Variants in CRTC3 observed in about 807,000 individuals in gnomAD.
The protein encoded by CRTC3 is CREB regulated transcription coactivator 3.
A neutral mutation model predicts 74.5 loss-of-function variants in CRTC3; 26 were observed. The observed-to-expected ratio is 0.35, with a 90% CI of 0.26 to 0.48. CRTC3 has a LOEUF of 0.48. Among genes scored for constraint, CRTC3 ranks in the 20% least tolerant of loss-of-function variants. CRTC3 has a pLI of 0.99. For synonymous variants in CRTC3, 377 were observed against 325.8 expected (o/e 1.16, Z -1.69); for missense variants, 760 against 787.3 (o/e 0.97, Z 0.41).
rs551266182 is a variant in CRTC3 at position 90,557,793 on chromosome 15, C to T, written c.231+17656C>T. Among the ~76,000 whole-genome samples, 85 of 152,258 alleles carry T rather than the reference C, an allele frequency of 5.6e-4. 1 individual carries two copies. The South Asian group carries it at 0.017, about 31-fold the overall frequency. Reference sequence around the variant, plus strand: ...TGCCTCACACTCTGTAATTTGGCCTCAAGTCACCATTGCTGGCCTTGTGCC... The same window carrying T: ...TGCCTCACACTCTGTAATTTGGCCTTAAGTCACCATTGCTGGCCTTGTGCC... On this transcript the variant is annotated intron_variant, in intron 2 of 14. Transcript: ENST00000268184.
At position 90,625,977 on chromosome 15, in the gene CRTC3, T is replaced by C. The variant is rs1381477625; in HGVS notation, c.951T>C (p.Gly317=). 6.2e-7 allele frequency: 1 copy of C among 1,613,916 alleles called. No individual in the cohort carries two copies. Among genetic ancestry groups the C allele is most frequent in the Non-Finnish European group, 8.5e-7 (1 of 1,179,868 alleles). ...NNIPAAMTHL[G]IRSSSGLQSS... is the part of the protein sequence containing the mutation. The stretch of plus-strand genomic sequence containing the variant: ...TCCCAGCTGCTATGACCCACCTGGG[T>C]ATAAGAAGCTCCTCTGGTGAGTATC... The change falls in exon 10 of 15, where the codon GGT becomes GGC. Residue 317 remains glycine (G), a synonymous_variant. Transcript: ENST00000268184.
intron 2 of CRTC3, among the ~76,000 whole-genome samples, chr15:90,561,043 C>T (rs560891370): frequency 1.3e-4 from 20 of 152,298 alleles, no homozygotes; most frequent in East Asian, 7.7e-4. Context: ...ACCACTTCCA[C>T]CACTAACTAG....
Position 90,530,027 on chromosome 15 carries a change from C to T in CRTC3, c.-45C>T, listed in dbSNP as rs943562354. 14 of 1,359,206 alleles carry T rather than the reference C, an allele frequency of 1.0e-5. No homozygotes were observed. The highest frequency in any genetic ancestry group is 1.3e-5 in the Non-Finnish European group (14 of 1,038,584). 84.2% of individuals were successfully genotyped at this position (1,359,206 alleles called of 1,614,324 possible). On this transcript the variant is annotated 5_prime_UTR_variant, in exon 1 of 15. Coordinates refer to ENST00000268184, the MANE Select transcript of CRTC3 (RefSeq NM_022769.5). This position sits in a 1 kb window ranked among gnomAD's most constrained non-coding sequence, Gnocchi z 6.2. ...CGGACGGGTGGGCCGAGGTACAGGC[C>T]CCACGGCCGCCGTCTCCCGCTTCTG...
Position 90,644,687 on chromosome 15 carries a change from C to T in CRTC3, c.*2547C>T. The T allele has an allele frequency of 4.3e-6, 1 of 232,670 alleles. No homozygotes were observed. The highest frequency in any genetic ancestry group is 6.1e-5 in the East Asian group (1 of 16,512). The allele number at this position is 232,670 out of a possible 1,614,324, so 14.4% of individuals were successfully genotyped here. On this transcript the variant is annotated 3_prime_UTR_variant, in exon 15 of 15. Transcript: ENST00000268184. ...TTGGGCATCGTACAACCCACTCTGC[C>T]TAGAAGGTGTGGAGGACTCACCACG...
intron 2 of CRTC3, among the ~76,000 whole-genome samples, chr15:90,561,647 C>T (rs998212): frequency 0.012 from 1,889 of 152,270 alleles, 32 homozygotes; most frequent in African/African-American, 0.042. Flanking sequence ...TACCTATCTC[C>T]TTAATCCAGC....
intron 5 of CRTC3, among the ~76,000 whole-genome samples, chr15:90,606,579 T>C (rs1049700450): frequency 3.3e-5 from 5 of 151,590 alleles, no homozygotes; most frequent in Non-Finnish European, 7.4e-5. Context: ...AATAATAAAA[T>C]AAAATAAAAA....
intron 2 of CRTC3, among the ~76,000 whole-genome samples, chr15:90,543,134 G>A (rs865816256): frequency 3.1e-4 from 38 of 124,240 alleles, no homozygotes; most frequent in South Asian, 5.5e-4. Flanking sequence ...TGTCTCTACT[G>A]AAAAAAAAAA....
chr15:90,629,327 T>C lies in CRTC3; in HGVS notation c.1061T>C (p.Val354Ala), dbSNP rs1414989576. Residue 354 changes from valine (V) to alanine (A), a missense_variant, in exon 11 of 15, where the codon GTT becomes GCT. Physicochemically the swap from Val to Ala is moderately conservative, Grantham distance 64. Around this residue, in one of 2 missense-constraint regions of CRTC3, gnomAD observed 652 missense variants for 635.2 expected, o/e 1.03. Transcript: ENST00000268184. ...TTAAATAACCACCCACAGACATCTG[T>C]TCCCAACGCATCTGCTCTTCACCCT... ...SSLNNHPQTS[V>A]PNASALHPSL... 6.2e-7 allele frequency: 1 copy of C among 1,614,142 alleles called. No individual in the cohort carries two copies. Among genetic ancestry groups the C allele is most frequent in the Admixed American group, 1.7e-5 (1 of 60,012 alleles).
rs112563143 is a variant in CRTC3 at position 90,623,406 on chromosome 15, G to A, written c.750-2370G>A. On this transcript the variant is annotated intron_variant, in intron 9 of 14. Coordinates refer to ENST00000268184, the MANE Select transcript of CRTC3 (RefSeq NM_022769.5). ...GAAACTCAAAGCCAAAATAGAATTC[G>A]TGATCTCATCCATACCCCTGCCCTC... is the stretch of plus-strand genomic sequence containing the variant. Among the ~76,000 whole-genome samples, 525 of 152,196 alleles carry A rather than the reference G, an allele frequency of 3.4e-3. 4 individuals carry two copies. The highest frequency in any genetic ancestry group is 0.01 in the Middle Eastern group (3 of 294).
chr15:90,587,388 G>A (rs752266236), intron 2 of CRTC3, among the ~76,000 whole-genome samples: 31 of 152,130 alleles, frequency 2.0e-4, no homozygotes, highest in Admixed American at 7.2e-4. Flanking sequence ...GAGTTCTGCC[G>A]TTAGCATTAG....
intron 2 of CRTC3, among the ~76,000 whole-genome samples, chr15:90,589,136 A>T (rs1967738364): frequency 6.6e-6 from 1 of 151,952 alleles, no homozygotes; most frequent in African/African-American, 2.4e-5. Context: ...AGCTCACTGC[A>T]ACCTCCGCCT....
chr15:90,637,136 A>G (rs1412714121), intron 11 of CRTC3, among the ~76,000 whole-genome samples: 1 of 152,268 alleles, frequency 6.6e-6, no homozygotes, highest in Non-Finnish European at 1.5e-5. Flanking sequence ...TCACAATAGC[A>G]AAGACTTGGA....
chr15:90,588,305 G>A (rs1046823452), intron 2 of CRTC3, among the ~76,000 whole-genome samples: 1 of 150,758 alleles, frequency 6.6e-6, no homozygotes, highest in African/African-American at 2.4e-5. Flanking sequence ...ATTTCATTCA[G>A]TCTCTCTCTG....
intron 2 of CRTC3, among the ~76,000 whole-genome samples, chr15:90,550,615 C>T (rs919850954): frequency 6.6e-6 from 1 of 151,978 alleles, no homozygotes; most frequent in East Asian, 1.9e-4. Flanking sequence ...TTTTAGCAGC[C>T]TTTGAAATCT....
At position 90,530,151 on chromosome 15, in the gene CRTC3, C is replaced by A; in HGVS notation, c.80C>A (p.Ala27Asp). 1 of 1,447,338 alleles carries A rather than the reference C, an allele frequency of 6.9e-7. No individual in the cohort carries two copies. The highest frequency in any genetic ancestry group is 2.1e-5 in the Admixed American group (1 of 47,818). The allele number at this position is 1,447,338 out of a possible 1,614,324, so 89.7% of individuals were successfully genotyped here. Residue 27 changes from alanine to aspartate, a missense_variant, in exon 1 of 15, where the codon GCC becomes GAC. By Grantham distance (126) the Ala-to-Asp change is moderately radical. Transcript: ENST00000268184. This position sits in a 1 kb window ranked among gnomAD's most constrained non-coding sequence, Gnocchi z 6.2. The part of the protein sequence containing the change: ...EKIALHTQRQ[A>D]EETRAFEQLM... The stretch of plus-strand genomic sequence containing the variant: ...ATCGCGCTGCACACGCAGAGACAGG[C>A]CGAGGAGACGCGGGCCTTCGAGCAG...
At chr15:90,613,204 A>AAAAAAC (rs1968408042) in intron 6 of CRTC3, among the ~76,000 whole-genome samples, 2 of 151,618 alleles carry the variant, frequency 1.3e-5, no homozygotes, top group Non-Finnish European at 2.9e-5. Flanking sequence ...AAAAAAAAAA[A>AAAAAAC]AAAAATGTAG....
intron 2 of CRTC3, among the ~76,000 whole-genome samples, chr15:90,573,986 A>G (rs1185017319): frequency 6.6e-6 from 1 of 152,198 alleles, no homozygotes; most frequent in Non-Finnish European, 1.5e-5. Flanking sequence ...ACATGTCTGT[A>G]CCTTGCTTGA....
At chr15:90,569,066 C>G (rs1967194468) in intron 2 of CRTC3, among the ~76,000 whole-genome samples, 1 of 151,126 alleles carries the variant, frequency 6.6e-6, no homozygotes, top group African/African-American at 2.4e-5. Flanking sequence ...AATCATAGCT[C>G]ACTGTAGCCT....
rs5814442 is a variant in CRTC3 at position 90,632,076 on chromosome 15, A to ATTTT, written c.1266+2554_1266+2557dup. Among the ~76,000 whole-genome samples the ATTTT allele has an allele frequency of 1.5e-3, 222 of 145,278 alleles. 1 individual carries two copies. The highest frequency in any genetic ancestry group is 5.5e-3 in the African/African-American group (216 of 39,438). ...ACCATCACACCCGACTAATTTTTGT[A>ATTTT]TTTTTTTTTTTTTGTAGAGATGGGG... On this transcript the variant is annotated intron_variant, in intron 11 of 14. Coordinates refer to ENST00000268184, the MANE Select transcript of CRTC3 (RefSeq NM_022769.5).
Sources: gnomAD v4.1 joint callset for allele counts (sites outside exome capture counted in the v4.1 genomes callset) on GRCh38, gnomAD v4.1.1 for gene constraint, gnomAD v4.1.1 regional missense constraint, Gnocchi (gnomAD v3.1) non-coding constraint, MANE v1.5 for transcripts, NCBI Gene and HGNC (gene_info 2026-07-23, HGNC 2026-07-21) for gene names.